CALN1: variants seen among roughly 807,000 people sequenced by gnomAD.
CALN1 encodes calcium-binding protein 8.
CALN1 carries 17 observed loss-of-function variants against 30.6 expected under a neutral mutation model. That is an observed-to-expected ratio of 0.56 (90% CI 0.38 to 0.83). The LOEUF is 0.83. Among genes scored for constraint, CALN1 ranks in the 40% least tolerant of loss-of-function variants. CALN1 has a pLI of 0.00. For missense variants in CALN1, 291 were observed against 354.9 expected (o/e 0.82, Z 1.45); for synonymous variants, 156 against 131.4 (o/e 1.19, Z -1.28).
At position 71,955,761 on chromosome 7, in the gene CALN1, G is replaced by T. The variant is rs546164769; in HGVS notation, c.501+67896C>A. 5.3e-4 allele frequency among the ~76,000 whole-genome samples: 81 copies of T among 152,136 alleles called. 2 individuals carry two copies. In the South Asian group the frequency reaches 0.013, roughly 25 times the overall value. The stretch of plus-strand genomic sequence containing the variant: ...AGGAGATCCGTCCTGGAAGGAGTCA[G>T]ATTCCAACATGACCTGACTATGATG... On this transcript the variant is annotated intron_variant, in intron 5 of 6. Transcript: ENST00000395275.
intron 5 of CALN1, among the ~76,000 whole-genome samples, chr7:71,936,019 A>G (rs1795811240): frequency 6.6e-6 from 1 of 152,124 alleles, no homozygotes; most frequent in East Asian, 1.9e-4. Flanking sequence ...AGTTGTGCAG[A>G]GCATTTGGGA....
intron 2 of CALN1, among the ~76,000 whole-genome samples, chr7:72,385,125 C>T (rs1805136385): frequency 1.3e-5 from 2 of 152,136 alleles, no homozygotes; most frequent in Admixed American, 1.3e-4. Context: ...ATTAGAATGA[C>T]TAGAACATGT....
At chr7:72,312,751 A>C (rs1800139621) in intron 2 of CALN1, among the ~76,000 whole-genome samples, 1 of 152,220 alleles carries the variant, frequency 6.6e-6, no homozygotes, top group African/African-American at 2.4e-5. Flanking sequence ...AATAGTGACC[A>C]CAAAGATCAT....
At chr7:71,867,315 C>T (rs1791644742) in intron 5 of CALN1, among the ~76,000 whole-genome samples, 1 of 152,076 alleles carries the variant, frequency 6.6e-6, no homozygotes, top group Admixed American at 6.6e-5. Flanking sequence ...CTATAAAATA[C>T]ATCAAAATGT....
rs1792865087 is a variant in CALN1 at position 71,784,192 on chromosome 7, G to A, written c.*3583C>T. 1 of 152,148 alleles carries A rather than the reference G, an allele frequency of 6.6e-6. No homozygotes were observed. The highest frequency in any genetic ancestry group is 2.4e-5 in the African/African-American group (1 of 41,432). 9.4% of individuals were successfully genotyped at this position (152,148 alleles called of 1,614,324 possible). On this transcript the variant is annotated 3_prime_UTR_variant, in exon 7 of 7. Coordinates refer to ENST00000395275, the MANE Select transcript of CALN1 (RefSeq NM_031468.4). Reference sequence around the variant, plus strand: ...GGAGTAGGGATGGGGAGATACCAGGGCTTACAGGTAGCTCCTGCTCTCCTG... The same window carrying A: ...GGAGTAGGGATGGGGAGATACCAGGACTTACAGGTAGCTCCTGCTCTCCTG...
intron 4 of CALN1, among the ~76,000 whole-genome samples, chr7:72,049,933 G>A (rs1235389702): frequency 1.3e-5 from 2 of 150,604 alleles, no homozygotes; most frequent in East Asian, 1.9e-4. Flanking sequence ...CCTCAGGCTC[G>A]TGAGTAGCTG....
At chr7:72,180,804 G>T (rs565797383) in intron 3 of CALN1, among the ~76,000 whole-genome samples, 1 of 151,778 alleles carries the variant, frequency 6.6e-6, no homozygotes, top group Admixed American at 6.6e-5. Context: ...TTGGAGTAAA[G>T]ATTTGGTACC....
chr7:72,385,601 T>G (rs181141587), intron 2 of CALN1, among the ~76,000 whole-genome samples: 56 of 152,250 alleles, frequency 3.7e-4, no homozygotes, highest in African/African-American at 1.3e-3. Flanking sequence ...ATTGATATGG[T>G]TTGGCTCTGT....
In CALN1 at chr7:71,847,842, AGAAGG is replaced by A. The variant is rs779237113; in HGVS notation, c.502-37355_502-37351del. ...GAGAAGGAGAAGGAGAAGGAGAAGG[AGAAGG>A]AGAAGAAGAAGAGGAAAGTTTTCCC... On this transcript the variant is annotated intron_variant, in intron 5 of 6. Transcript: ENST00000395275. Among the ~76,000 whole-genome samples, 367 of 98,370 alleles carry A rather than the reference AGAAGG, an allele frequency of 3.7e-3. 3 individuals carry two copies. The highest frequency in any genetic ancestry group is 8.1e-3 in the Admixed American group (78 of 9,582). The allele number at this position is 98,370 out of a possible 152,430, so 64.5% of individuals were successfully genotyped here. A position where few individuals can be genotyped will look rare whatever the true frequency, so the allele number is the denominator to read the frequency against.
At chr7:72,039,696 T>A (rs1020281454) in intron 4 of CALN1, among the ~76,000 whole-genome samples, 1 of 152,144 alleles carries the variant, frequency 6.6e-6, no homozygotes, top group South Asian at 2.1e-4. Flanking sequence ...ACACCATAGT[T>A]GGACAGGCTT....
At chr7:71,928,653 G>A (rs893776032) in intron 5 of CALN1, among the ~76,000 whole-genome samples, 2 of 152,038 alleles carry the variant, frequency 1.3e-5, no homozygotes, top group African/African-American at 4.8e-5. Flanking sequence ...ACAAGTCAAT[G>A]GTTTTTTGTA....
At chr7:72,056,828 A>G (rs1405216394) in intron 4 of CALN1, among the ~76,000 whole-genome samples, 2 of 152,216 alleles carry the variant, frequency 1.3e-5, no homozygotes, top group African/African-American at 4.8e-5. Context: ...AATATTAAAC[A>G]TGTAGAAAAT....
At chr7:72,014,436 T>A (rs981298189) in intron 5 of CALN1, among the ~76,000 whole-genome samples, 1 of 152,250 alleles carries the variant, frequency 6.6e-6, no homozygotes. Context: ...ATTACATGAT[T>A]TATTTTCCAT....
chr7:71,957,535 A>G (rs1348063187), intron 5 of CALN1, among the ~76,000 whole-genome samples: 1 of 152,210 alleles, frequency 6.6e-6, no homozygotes, highest in Non-Finnish European at 1.5e-5. Flanking sequence ...TGTCGCCTGT[A>G]CTGATCACTG....
chr7:72,132,123 C>T (rs977651281), intron 3 of CALN1, among the ~76,000 whole-genome samples: 11 of 152,196 alleles, frequency 7.2e-5, no homozygotes, highest in African/African-American at 2.6e-4. Context: ...TATAGATGCC[C>T]CCTCAACTTA....
chr7:72,341,817 C>G (rs949574865), intron 2 of CALN1, among the ~76,000 whole-genome samples: 1 of 152,136 alleles, frequency 6.6e-6, no homozygotes. Context: ...TAACCTGGCT[C>G]CAGGCATAGA....
intron 6 of CALN1, among the ~76,000 whole-genome samples, chr7:71,791,874 G>A (rs1046654373): frequency 2.6e-5 from 4 of 152,192 alleles, no homozygotes; most frequent in African/African-American, 9.7e-5. Context: ...AGCCGGGCGT[G>A]TTGGCGGGCG....
chr7:71,954,133 G>A (rs537722126), intron 5 of CALN1, among the ~76,000 whole-genome samples: 61 of 152,172 alleles, frequency 4.0e-4, no homozygotes, highest in Non-Finnish European at 7.8e-4. Flanking sequence ...AGGCCAACGT[G>A]GGCAACATAG....
intron 4 of CALN1, among the ~76,000 whole-genome samples, chr7:72,103,836 G>A (rs977317098): frequency 6.6e-6 from 1 of 152,116 alleles, no homozygotes; most frequent in African/African-American, 2.4e-5. Context: ...AGAAGGAAGT[G>A]ACAATGGGAA....
Sources: allele counts gnomAD v4.1 joint callset (sites outside exome capture counted in the v4.1 genomes callset), GRCh38; gene constraint gnomAD v4.1.1; transcripts MANE v1.5; gene names NCBI Gene and HGNC (gene_info 2026-07-23, HGNC 2026-07-21).